The following HAO2 variants were observed in gnomAD, a reference collection of about 807,000 sequenced individuals.
The protein encoded by HAO2 is hydroxyacid oxidase 2.
HAO2 carries 42 observed loss-of-function variants against 37.4 expected under a neutral mutation model. The ratio of observed to expected loss-of-function variants is 1.12; its 90% CI spans 0.88 to 1.45. The LOEUF (loss-of-function observed/expected upper bound fraction) is 1.45, where lower values mean the gene tolerates loss of function less well. HAO2 is among the 40% of genes most tolerant of loss of function. HAO2 has a pLI of 0.00. For synonymous variants in HAO2, 180 were observed against 162.8 expected (o/e 1.11, Z -0.81); for missense variants, 476 against 430.2 (o/e 1.11, Z -0.94).
At chr1:119,381,929 T>C (rs1649979817) in intron 2 of HAO2, among the ~76,000 whole-genome samples, 1 of 152,192 alleles carries the variant, frequency 6.6e-6, no homozygotes, top group Non-Finnish European at 1.5e-5. Flanking sequence ...ATGGCTGCTT[T>C]TGCACTTCAA....
At chr1:119,380,030 T>G (rs1157416887) in intron 1 of HAO2, among the ~76,000 whole-genome samples, 1 of 152,182 alleles carries the variant, frequency 6.6e-6, no homozygotes, top group African/African-American at 2.4e-5. Context: ...TTAAAAGCCA[T>G]TCAGTTTCCA....
At chr1:119,370,584 T>C (rs142022063) in intron 1 of HAO2, among the ~76,000 whole-genome samples, 1 of 152,326 alleles carries the variant, frequency 6.6e-6, no homozygotes, top group East Asian at 1.9e-4. Flanking sequence ...CTTTAACAAA[T>C]AAATTTTGCA....
intron 1 of HAO2, among the ~76,000 whole-genome samples, chr1:119,375,907 A>G: frequency 6.6e-6 from 1 of 152,114 alleles, no homozygotes; most frequent in Non-Finnish European, 1.5e-5. Context: ...GGACCCTCCT[A>G]TGACATGTGG....
intron 1 of HAO2, among the ~76,000 whole-genome samples, chr1:119,373,859 T>C (rs1017430500): frequency 2.0e-5 from 3 of 152,034 alleles, no homozygotes; most frequent in Non-Finnish European, 4.4e-5. Context: ...AAAGGAGAGA[T>C]TATTATATAA....
chr1:119,392,885 C>G (rs1267717710), intron 7 of HAO2, among the ~76,000 whole-genome samples, 198 bp downstream of exon 7: 1 of 152,092 alleles, frequency 6.6e-6, no homozygotes, highest in African/African-American at 2.4e-5. Context: ...AGATCATTGA[C>G]AGCTCTGGGG....
At chr1:119,378,359 CAT>C (rs1265003612) in intron 1 of HAO2, among the ~76,000 whole-genome samples, 2 of 152,154 alleles carry the variant, frequency 1.3e-5, no homozygotes, top group African/African-American at 2.4e-5. Flanking sequence ...CCTCCCATGA[CAT>C]GTGGGGATTA....
chr1:119,383,887 T>G lies in HAO2; in HGVS notation c.283+821T>G, dbSNP rs201869512. Among the ~76,000 whole-genome samples the G allele has an allele frequency of 2.0e-5, 3 of 152,170 alleles. No individual in the cohort carries two copies. The East Asian group carries it at 5.8e-4, about 29-fold the overall frequency. On this transcript the variant is annotated intron_variant, in intron 3 of 7. Coordinates refer to ENST00000325945, the MANE Select transcript of HAO2 (RefSeq NM_016527.4). Reference sequence around the variant, plus strand: ...ATGGGGTCTAGGGACCAGGTCTAGCTAGGTTGAGATATTAATATCCTATAT... The same window carrying G: ...ATGGGGTCTAGGGACCAGGTCTAGCGAGGTTGAGATATTAATATCCTATAT...
At chr1:119,374,476 C>T (rs868289690) in intron 1 of HAO2, among the ~76,000 whole-genome samples, 3 of 152,288 alleles carry the variant, frequency 2.0e-5, no homozygotes, top group South Asian at 2.1e-4. Context: ...AAACTAGGCC[C>T]GTAAAATGTA....
intron 3 of HAO2, among the ~76,000 whole-genome samples, 160 bp from the exon 4 acceptor site, chr1:119,384,615 CA>C (rs140607311): frequency 2.8e-3 from 425 of 152,310 alleles, no homozygotes; most frequent in African/African-American, 9.8e-3. Context: ...TCAGCCTGAT[CA>C]AATTGCCTTC....
chr1:119,377,424 A>G (rs1290456612), intron 1 of HAO2, among the ~76,000 whole-genome samples: 2 of 152,216 alleles, frequency 1.3e-5, no homozygotes, highest in African/African-American at 4.8e-5. Flanking sequence ...GCCATTCAAG[A>G]TGTCTCTAGG....
At chr1:119,379,229 G>T (rs587746505) in intron 1 of HAO2, among the ~76,000 whole-genome samples, 1 of 152,246 alleles carries the variant, frequency 6.6e-6, no homozygotes, top group South Asian at 2.1e-4. Flanking sequence ...TTGGAGGCTG[G>T]TCATATGGTC....
At position 119,385,215 on chromosome 1, in the gene HAO2, T is replaced by C. The variant is rs587689897; in HGVS notation, c.561+162T>C. The C allele has an allele frequency of 2.8e-5, 27 of 981,272 alleles. No individual in the cohort carries two copies. In the African/African-American group the frequency reaches 4.0e-4, roughly 15 times the overall value. The allele number at this position is 981,272 out of a possible 1,614,324, so 60.8% of individuals were successfully genotyped here. ...AGTTTCAAAAAGCAGATATGGTTCC[T>C]GCTCCCTAGAGTTTCCAGACAAGCA... On this transcript the variant is annotated intron_variant, in intron 4 of 7. Coordinates refer to ENST00000325945, the MANE Select transcript of HAO2 (RefSeq NM_016527.4).
At chr1:119,389,204 G>A (rs1182221851) in intron 5 of HAO2, among the ~76,000 whole-genome samples, 19 of 83,382 alleles carry the variant, frequency 2.3e-4, no homozygotes, top group Non-Finnish European at 4.2e-4. Flanking sequence ...TGATTGATGG[G>A]CATTTGGGTG....
Position 119,385,370 on chromosome 1 carries a change from A to T in HAO2, c.561+317A>T, listed in dbSNP as rs148364719. On this transcript the variant is annotated intron_variant, in intron 4 of 7. Transcript: ENST00000325945. Reference sequence around the variant, plus strand: ...ATATTTTTGCACGAACTGGAGAGTAAACTAAAAAAGTTCATGTAACATTTT... The same window carrying T: ...ATATTTTTGCACGAACTGGAGAGTATACTAAAAAAGTTCATGTAACATTTT... 928 of 983,574 alleles carry T rather than the reference A, an allele frequency of 9.4e-4. 14 individuals are homozygous for T. In the African/African-American group the frequency reaches 0.015, roughly 15 times the overall value. The allele number at this position is 983,574 out of a possible 1,614,324, so 60.9% of individuals were successfully genotyped here.
At chr1:119,370,429 C>T (rs1228293279) in intron 1 of HAO2, 2 of 152,130 alleles carry the variant, frequency 1.3e-5, no homozygotes, top group African/African-American at 4.8e-5. Context: ...GATGAAATCA[C>T]ACATGTCATC....
intron 7 of HAO2, among the ~76,000 whole-genome samples, chr1:119,392,946 A>C (rs587628193): frequency 5.3e-5 from 8 of 152,252 alleles, no homozygotes; most frequent in African/African-American, 1.9e-4. Flanking sequence ...CGTTCAATTT[A>C]CGGACTATTG....
At chr1:119,391,389 G>T (rs1348455650) in intron 5 of HAO2, among the ~76,000 whole-genome samples, 1 of 152,154 alleles carries the variant, frequency 6.6e-6, no homozygotes, top group African/African-American at 2.4e-5. Flanking sequence ...GATCGGCCTG[G>T]GGCACCTTGT....
intron 3 of HAO2, among the ~76,000 whole-genome samples, chr1:119,383,468 A>C (rs953838921): frequency 3.3e-5 from 5 of 152,220 alleles, no homozygotes; most frequent in African/African-American, 9.6e-5. Flanking sequence ...ATTTAGGATG[A>C]GGAGAGAATC....
intron 1 of HAO2, among the ~76,000 whole-genome samples, chr1:119,371,612 G>A (rs1041622896): frequency 4.6e-5 from 7 of 152,066 alleles, no homozygotes; most frequent in Admixed American, 3.9e-4. Context: ...CACTGGAATC[G>A]TGACACATTA....
Sources: allele counts gnomAD v4.1 joint callset (sites outside exome capture counted in the v4.1 genomes callset), GRCh38; gene constraint gnomAD v4.1.1; transcripts MANE v1.5; gene names NCBI Gene and HGNC (gene_info 2026-07-23, HGNC 2026-07-21).